SNED1: variants seen among roughly 807,000 people sequenced by gnomAD.
SNED1 encodes sushi, nidogen and EGF like domains 1.
Under a neutral mutation model 166.7 loss-of-function variants are expected in SNED1, and 81 were observed. That is an observed-to-expected ratio of 0.49 (90% CI 0.41 to 0.58). SNED1 has a LOEUF of 0.58. Ranked by LOEUF, SNED1 falls within the 20% of genes least tolerant of loss-of-function variation. The pLI is 0.00. For missense variants in SNED1, 1,604 were observed against 2,000.2 expected (o/e 0.80, Z 3.78); for synonymous variants, 762 against 822.0 (o/e 0.93, Z 1.25).
In SNED1 at chr2:241,062,790, G is replaced by C. The variant is rs368139911; in HGVS notation, c.2258-1G>C. The C allele has an allele frequency of 1.6e-5, 25 of 1,605,442 alleles. No individual in the cohort carries two copies. In the African/African-American group the frequency reaches 3.2e-4, roughly 21 times the overall value. On this transcript the variant is annotated splice_acceptor_variant, in intron 16 of 31. Transcript: ENST00000310397. LOFTEE classifies it high-confidence loss of function. The stretch of plus-strand genomic sequence containing the variant: ...TTTATTCTTGGGCTCTCTCCTCTCA[G>C]AAATCGATGAGTGCCGGTCTCAGCC...
intron 24 of SNED1, 69 bp from the exon 25 acceptor site, chr2:241,071,507 T>A: frequency 6.6e-7 from 1 of 1,520,248 alleles, no homozygotes; most frequent in Non-Finnish European, 8.8e-7. Context: ...GCACCACCCA[T>A]GCCACAGGGG....
chr2:241,039,757 C>T (rs911061418), intron 6 of SNED1, among the ~76,000 whole-genome samples: 2 of 152,148 alleles, frequency 1.3e-5, no homozygotes, highest in Non-Finnish European at 2.9e-5. Context: ...GAATAAGAGC[C>T]ACCTAGGGAG....
Position 241,091,224 on chromosome 2 carries a change from A to C in SNED1, c.*2-414A>C, listed in dbSNP as rs1003915957. Among the ~76,000 whole-genome samples, 6 of 152,236 alleles carry C rather than the reference A, an allele frequency of 3.9e-5. No individual in the cohort carries two copies. The highest frequency in any genetic ancestry group is 1.4e-4 in the African/African-American group (6 of 41,464). The stretch of plus-strand genomic sequence containing the variant: ...AACACACGCACCCAGACACCCATCC[A>C]AGAACAACACGAGAATTCATTTCAA... On this transcript the variant is annotated intron_variant, in intron 31 of 31. Coordinates refer to ENST00000310397, the MANE Select transcript of SNED1 (RefSeq NM_001080437.3). The surrounding 1 kb of genome is among the most constrained non-coding windows in gnomAD (Gnocchi z 4.1).
At chr2:241,009,073 C>A (rs943966611) in intron 1 of SNED1, among the ~76,000 whole-genome samples, 2 of 152,164 alleles carry the variant, frequency 1.3e-5, no homozygotes, top group African/African-American at 4.8e-5. Flanking sequence ...GAAGGAGTGA[C>A]GGGGGTGCCC....
At chr2:241,029,295 GA>G (rs1191433591) in intron 1 of SNED1, among the ~76,000 whole-genome samples, 3 of 152,210 alleles carry the variant, frequency 2.0e-5, no homozygotes, top group Non-Finnish European at 4.4e-5. Context: ...TATAGCTCTT[GA>G]GGCTGGGAAG....
At chr2:241,030,098 G>C (rs1039443620) in intron 1 of SNED1, among the ~76,000 whole-genome samples, 186 bp from the exon 2 acceptor site, 1 of 152,236 alleles carries the variant, frequency 6.6e-6, no homozygotes, top group Non-Finnish European at 1.5e-5. Flanking sequence ...ATGACAGGAG[G>C]GGGTGGAGCA....
Position 241,073,084 on chromosome 2 carries a change from G to T in SNED1, c.3818-182G>T, listed in dbSNP as rs1270252836. ...CCCTCCAGAGGGTCAGCAGGAGGGT[G>T]AGGCCAGCCCTTCAGGGGAGGCAGC... On this transcript the variant is annotated intron_variant, in intron 26 of 31. Transcript: ENST00000310397. The surrounding 1 kb of genome is among the most constrained non-coding windows in gnomAD (Gnocchi z 6.6). 3.6e-5 allele frequency: 21 copies of T among 579,158 alleles called. No individual in the cohort carries two copies. The South Asian group carries it at 4.4e-4, about 12-fold the overall frequency. 35.9% of individuals were successfully genotyped at this position (579,158 alleles called of 1,614,324 possible). A position where few individuals can be genotyped will look rare whatever the true frequency, so the allele number is the denominator to read the frequency against.
At chr2:241,021,227 G>A (rs116020507) in intron 1 of SNED1, among the ~76,000 whole-genome samples, 3,229 of 152,244 alleles carry the variant, frequency 0.021, 43 homozygotes, top group Non-Finnish European at 0.034. Context: ...CCACCACTGC[G>A]CTTCCCACAT....
At chr2:241,004,512 T>C (rs1269486121) in intron 1 of SNED1, among the ~76,000 whole-genome samples, 1 of 148,994 alleles carries the variant, frequency 6.7e-6, no homozygotes, top group African/African-American at 2.5e-5. Flanking sequence ...ATTGGCTTAT[T>C]ACCTACACCT....
rs760586208 is a variant in SNED1 at position 241,036,824 on chromosome 2, C to T, written c.840C>T (p.Asn280=). 4.3e-6 allele frequency: 7 copies of T among 1,610,756 alleles called. No individual in the cohort carries two copies. Among genetic ancestry groups the T allele is most frequent in the South Asian group, 2.2e-5 (2 of 91,082 alleles). ...GCCTGGCCCTGCGCCCCTGCCTCAACGGCGGCAAGTGCATCGACGACTGCG... is the reference window on the plus strand; with the variant it reads ...GCCTGGCCCTGCGCCCCTGCCTCAATGGCGGCAAGTGCATCGACGACTGCG... The part of the protein sequence containing the change: ...SVCLALRPCL[N]GGKCIDDCVT... The change falls in exon 5 of 32, where the codon AAC becomes AAT. Residue 280 remains asparagine, a synonymous_variant. Transcript: ENST00000310397.
In SNED1 at chr2:240,999,777, C is replaced by G. The variant is rs1180963818; in HGVS notation, c.213+727C>G. On this transcript the variant is annotated intron_variant, in intron 1 of 31. Transcript: ENST00000310397. This position sits in a 1 kb window ranked among gnomAD's most constrained non-coding sequence, Gnocchi z 5.8. Reference sequence around the variant, plus strand: ...GTCTCCATGGCTCCCAGAGTGTGACCCCAGGCCAAGCCCTTATGGCAGCCC... The same window carrying G: ...GTCTCCATGGCTCCCAGAGTGTGACGCCAGGCCAAGCCCTTATGGCAGCCC... Among the ~76,000 whole-genome samples the G allele has an allele frequency of 6.6e-6, 1 of 152,156 alleles. No individual in the cohort carries two copies. The highest frequency in any genetic ancestry group is 2.4e-5 in the African/African-American group (1 of 41,432).
At chr2:241,072,975 C>T (rs2062810479) in intron 26 of SNED1, 5 of 455,542 alleles carry the variant, frequency 1.1e-5, no homozygotes, top group Non-Finnish European at 1.9e-5. Context: ...CCGCATCAGC[C>T]GTGAGGATGG....
chr2:241,004,109 C>A (rs966479563), intron 1 of SNED1, among the ~76,000 whole-genome samples: 1 of 152,182 alleles, frequency 6.6e-6, no homozygotes, highest in African/African-American at 2.4e-5. Context: ...GCTTGAGGCA[C>A]AAAATGATCC....
intron 4 of SNED1, among the ~76,000 whole-genome samples, chr2:241,036,050 A>G (rs1309976101): frequency 2.9e-3 from 25 of 8,668 alleles, no homozygotes; most frequent in Non-Finnish European, 3.4e-3. Context: ...TGGGGGGTGG[A>G]GGTGCGTCAC....
chr2:241,005,994 C>A (rs1221070448), intron 1 of SNED1, among the ~76,000 whole-genome samples: 1 of 152,064 alleles, frequency 6.6e-6, no homozygotes, highest in African/African-American at 2.4e-5. Flanking sequence ...TCCTTTCTCT[C>A]CTCTCTTTTG....
At position 241,068,838 on chromosome 2, in the gene SNED1, C is replaced by A; in HGVS notation, c.3195-73C>A. 9.4e-7 allele frequency: 1 copy of A among 1,068,320 alleles called. No homozygotes were observed. Among genetic ancestry groups the A allele is most frequent in the South Asian group, 1.6e-5 (1 of 64,186 alleles). The allele number at this position is 1,068,320 out of a possible 1,614,324, so 66.2% of individuals were successfully genotyped here. On this transcript the variant is annotated intron_variant, in intron 22 of 31. Transcript: ENST00000310397. This position sits in a 1 kb window ranked among gnomAD's most constrained non-coding sequence, Gnocchi z 5.3. ...CGCAGTCACCTCCTGCCTGGGGGAG[C>A]TGCGGTCTGGCAGCAGAGTCACACA...
intron 15 of SNED1, 125 bp from the exon 16 acceptor site, chr2:241,053,028 C>G: frequency 3.3e-6 from 3 of 897,874 alleles, no homozygotes; most frequent in Non-Finnish European, 5.0e-6. Flanking sequence ...GCACCTTTCC[C>G]CGGTGAAGGG....
At chr2:241,054,426 C>T (rs1163710324) in intron 16 of SNED1, among the ~76,000 whole-genome samples, 4 of 152,084 alleles carry the variant, frequency 2.6e-5, no homozygotes, top group Non-Finnish European at 4.4e-5. Flanking sequence ...AAAACTAGCC[C>T]GGCGTGGTGG....
chr2:241,079,367 G>A (rs1248103338), intron 27 of SNED1, among the ~76,000 whole-genome samples: 6 of 147,934 alleles, frequency 4.1e-5, no homozygotes, highest in African/African-American at 1.5e-4. Context: ...AGCCAAGATC[G>A]CCCCACTGCA....
Sources: gnomAD v4.1 joint callset for allele counts (sites outside exome capture counted in the v4.1 genomes callset) on GRCh38, gnomAD v4.1.1 for gene constraint, Gnocchi (gnomAD v3.1) non-coding constraint, MANE v1.5 for transcripts, NCBI Gene and HGNC (gene_info 2026-07-23, HGNC 2026-07-21) for gene names.